Variants in ANK1 observed in about 807,000 individuals in gnomAD.
ANK1 encodes ankyrin-1.
In ANK1, 51 loss-of-function variants were observed where a neutral mutation model predicts 210.4. The observed-to-expected ratio is 0.24, with a 90% CI of 0.19 to 0.31. The LOEUF (loss-of-function observed/expected upper bound fraction) is 0.31, where lower values mean the gene tolerates loss of function less well. Among genes scored for constraint, ANK1 ranks in the 10% least tolerant of loss-of-function variants. The pLI is 1.00. For missense variants in ANK1, 2,051 were observed against 2,504.4 expected (o/e 0.82, Z 3.86); for synonymous variants, 967 against 1,025.9 (o/e 0.94, Z 1.10).
At chr8:41,747,240 G>A (rs1281327742) in intron 2 of ANK1, among the ~76,000 whole-genome samples, 3 of 152,062 alleles carry the variant, frequency 2.0e-5, no homozygotes, top group African/African-American at 4.8e-5. Context: ...GCAAACAATC[G>A]TGGCCAATTC....
chr8:41,770,519 G>A (rs766065068), intron 1 of ANK1, among the ~76,000 whole-genome samples: 4 of 151,978 alleles, frequency 2.6e-5, no homozygotes, highest in African/African-American at 4.8e-5. Context: ...ATTATACAAC[G>A]CTGTGGGTTA....
Position 41,878,838 on chromosome 8 carries a change from G to A in ANK1, c.126+17517C>T, listed in dbSNP as rs188836432. 2.9e-3 allele frequency among the ~76,000 whole-genome samples: 436 copies of A among 152,186 alleles called. 2 individuals are homozygous for A. Among genetic ancestry groups the A allele is most frequent in the Middle Eastern group, 6.8e-3 (2 of 294 alleles). ...AGCACTTTGGGAGGCCGAGGCAGGC[G>A]GATCACTTGAGGTCAGGAGTTTGAG... On this transcript the variant is annotated intron_variant, in intron 1 of 42. Coordinates refer to the ANK1 transcript ENST00000265709.
At position 41,715,028 on chromosome 8, in the gene ANK1, C is replaced by T. The variant is rs140347875; in HGVS notation, c.1649G>A (p.Arg550Gln). Residue 550 changes from arginine to glutamine, a missense_variant, in exon 15 of 43, where the codon CGG becomes CAG. This residue lies in a region of ANK1 where 1,413 missense variants were observed against 1,707.4 expected (regional missense o/e 0.83). Transcript: ENST00000289734. ...LHVAAKYGKV[R>Q]VAELLLERDA... is the part of the protein sequence containing the mutation. ...CCGCTCCAGCAGCAGCTCTGCCACCCGCACCTTCCCGTACTTGGCCGCCAC... is the reference window on the plus strand; with the variant it reads ...CCGCTCCAGCAGCAGCTCTGCCACCTGCACCTTCCCGTACTTGGCCGCCAC... 79 of 1,614,126 alleles carry T rather than the reference C, an allele frequency of 4.9e-5. No individual in the cohort carries two copies. Among genetic ancestry groups the T allele is most frequent in the African/African-American group, 1.6e-4 (12 of 75,030 alleles).
chr8:41,843,721 A>G (rs957836363), intron 1 of ANK1, among the ~76,000 whole-genome samples: 2 of 152,190 alleles, frequency 1.3e-5, no homozygotes, highest in African/African-American at 2.4e-5. Flanking sequence ...TCTGCCAGAG[A>G]GCAGCTCTCT....
At chr8:41,878,072 C>T (rs74888329) in intron 1 of ANK1, among the ~76,000 whole-genome samples, 44 of 152,336 alleles carry the variant, frequency 2.9e-4, no homozygotes, top group South Asian at 1.9e-3. Context: ...TTCTGGAAGG[C>T]GGCAGAGTCC....
intron 1 of ANK1, among the ~76,000 whole-genome samples, chr8:41,821,544 A>G (rs1804262007): frequency 6.6e-6 from 1 of 152,216 alleles, no homozygotes; most frequent in Admixed American, 6.5e-5. Context: ...GCATGCGTCA[A>G]AGGCCATACG....
intron 1 of ANK1, among the ~76,000 whole-genome samples, chr8:41,843,089 C>T (rs1266045591): frequency 2.0e-5 from 3 of 152,174 alleles, no homozygotes; most frequent in Non-Finnish European, 4.4e-5. Flanking sequence ...CTCAGGTGAT[C>T]CGCCCGCCTC....
rs1342958599 is a variant in ANK1, at chr8:41,702,075, C to A, written c.2365G>T (p.Val789Phe). ...ACCACGAAACTGGTTTCATCCGTGACGACCTTGAGCACGTCGGTGACAGAA... is the reference window on the plus strand; with the variant it reads ...ACCACGAAACTGGTTTCATCCGTGAAGACCTTGAGCACGTCGGTGACAGAA... ...YISVTDVLKV[V>F]TDETSFVLVS... The change falls in exon 21 of 43, where the codon GTC becomes TTC. Residue 789 changes from valine to phenylalanine, a missense_variant. Coordinates refer to ENST00000289734, the MANE Select transcript of ANK1 (RefSeq NM_000037.4). The A allele has an allele frequency of 2.5e-6, 4 of 1,614,090 alleles. No individual in the cohort carries two copies. Among genetic ancestry groups the A allele is most frequent in the East Asian group, 4.5e-5 (2 of 44,900 alleles).
Position 41,817,093 on chromosome 8 carries a change from C to CT in ANK1, c.127-58957dup, listed in dbSNP as rs986442730. The stretch of plus-strand genomic sequence containing the variant: ...TCATTTGCCAGTTTCCAAATAGTTT[C>CT]TTTTTTTTTTTTCTTTTTAACCTGA... On this transcript the variant is annotated intron_variant, in intron 1 of 42. Coordinates refer to the ANK1 transcript ENST00000265709. Among the ~76,000 whole-genome samples the CT allele has an allele frequency of 2.0e-3, 285 of 144,430 alleles. 2 individuals carry two copies. In the East Asian group the frequency reaches 0.031, roughly 15 times the overall value. The allele number at this position is 144,430 out of a possible 152,430, so 94.8% of individuals were successfully genotyped here.
chr8:41,715,986 G>C, intron 13 of ANK1, 137 bp from the exon 14 acceptor site: 1 of 997,250 alleles, frequency 1.0e-6, no homozygotes, highest in Non-Finnish European at 1.5e-6. Context: ...AAGATGAAGA[G>C]TCAGGATTCG....
At chr8:41,747,574 G>T (rs1836500591) in intron 2 of ANK1, among the ~76,000 whole-genome samples, 1 of 152,174 alleles carries the variant, frequency 6.6e-6, no homozygotes, top group African/African-American at 2.4e-5. Context: ...TCAGGTCCTA[G>T]CATGGAGCCT....
chr8:41,768,534 C>T (rs1325262451), intron 1 of ANK1, among the ~76,000 whole-genome samples: 1 of 152,160 alleles, frequency 6.6e-6, no homozygotes. Context: ...AGAAACTGAG[C>T]CCAGGGAGGT....
chr8:41,879,743 AG>A (rs1250596978), intron 1 of ANK1, among the ~76,000 whole-genome samples: 4 of 152,220 alleles, frequency 2.6e-5, no homozygotes, highest in African/African-American at 9.6e-5. Context: ...CCTTGGTCAA[AG>A]CAACACTCCC....
chr8:41,821,911 A>G (rs1804322543), intron 1 of ANK1, among the ~76,000 whole-genome samples: 1 of 151,962 alleles, frequency 6.6e-6, no homozygotes, highest in African/African-American at 2.4e-5. Flanking sequence ...TTAGCCAGGC[A>G]TGGTGGCGCA....
intron 1 of ANK1, among the ~76,000 whole-genome samples, chr8:41,850,045 C>T (rs573243559): frequency 2.0e-5 from 3 of 152,016 alleles, no homozygotes; most frequent in Non-Finnish European, 2.9e-5. Flanking sequence ...GCCCTGCGAC[C>T]GCTCCCACAC....
At chr8:41,872,787 G>A (rs530052888) in intron 1 of ANK1, among the ~76,000 whole-genome samples, 34 of 152,296 alleles carry the variant, frequency 2.2e-4, no homozygotes, top group Non-Finnish European at 4.6e-4. Context: ...TCTCCCTGGA[G>A]TGACCTGTAG....
At chr8:41,780,415 T>C (rs1232598851) in intron 1 of ANK1, among the ~76,000 whole-genome samples, 1 of 152,214 alleles carries the variant, frequency 6.6e-6, no homozygotes, top group Non-Finnish European at 1.5e-5. Context: ...CAAATGCCCA[T>C]AGGAGTTTGT....
chr8:41,854,662 G>A (rs1349965866), intron 1 of ANK1, among the ~76,000 whole-genome samples: 1 of 152,202 alleles, frequency 6.6e-6, no homozygotes, highest in Non-Finnish European at 1.5e-5. Context: ...AGAATGCGCT[G>A]GTCGTGGTGG....
intron 37 of ANK1, among the ~76,000 whole-genome samples, chr8:41,682,060 G>A (rs1816223185): frequency 6.6e-6 from 1 of 152,164 alleles, no homozygotes; most frequent in Non-Finnish European, 1.5e-5. Context: ...GCCACTCTTT[G>A]GCCAGAACCC....
Sources: gnomAD v4.1 joint callset for allele counts (sites outside exome capture counted in the v4.1 genomes callset) on GRCh38, gnomAD v4.1.1 for gene constraint, gnomAD v4.1.1 regional missense constraint, MANE v1.5 for transcripts, NCBI Gene and HGNC (gene_info 2026-07-23, HGNC 2026-07-21) for gene names.